SMIM14: variants seen among roughly 807,000 people sequenced by gnomAD.
SMIM14 encodes the protein small integral membrane protein 14.
In SMIM14, 5 loss-of-function variants were observed where a neutral mutation model predicts 12.6. That is an observed-to-expected ratio of 0.40 (90% CI 0.21 to 0.83). The LOEUF (loss-of-function observed/expected upper bound fraction) is 0.83. Among genes scored for constraint, SMIM14 ranks in the 40% least tolerant of loss-of-function variants. The pLI is 0.37. For synonymous variants in SMIM14, 30 were observed against 40.1 expected, an observed-to-expected ratio of 0.75 and a Z score of 0.95; for missense variants, 86 against 119.1, an observed-to-expected ratio of 0.72 and a Z score of 1.29.
At chr4:39,584,828 AT>A (rs1307327162) in intron 2 of SMIM14, among the ~76,000 whole-genome samples, 1 of 151,376 alleles carries the variant, frequency 6.6e-6, no homozygotes, top group African/African-American at 2.4e-5. Context: ...AGAAAAAAAA[AT>A]TTTTGTAAAG....
rs1429185874 is a variant in SMIM14 at position 39,564,279 on chromosome 4, A to G, written c.125-7709T>C. ...TTTGGTCCTATACAGTAATTACATT[A>G]TCCTAAGCACAGCTACCAGTTTTCA... On this transcript the variant is annotated intron_variant, in intron 3 of 4. Transcript: ENST00000295958. Among the ~76,000 whole-genome samples, 3 of 152,232 alleles carry G rather than the reference A, an allele frequency of 2.0e-5. No individual in the cohort carries two copies. The East Asian group carries it at 5.8e-4, about 29-fold the overall frequency.
At chr4:39,566,430 G>A (rs1178602451) in intron 3 of SMIM14, among the ~76,000 whole-genome samples, 1 of 152,094 alleles carries the variant, frequency 6.6e-6, no homozygotes, top group Non-Finnish European at 1.5e-5. Context: ...CCAAGTGAGT[G>A]AATGTCTAGA....
intron 2 of SMIM14, among the ~76,000 whole-genome samples, chr4:39,602,240 A>G (rs1213796418): frequency 7.2e-6 from 1 of 138,490 alleles, no homozygotes; most frequent in Admixed American, 7.2e-5. Flanking sequence ...CAGCAAAGTC[A>G]TGTCTCAAAA....
At chr4:39,593,918 G>T (rs567825416) in intron 2 of SMIM14, 1 of 152,120 alleles carries the variant, frequency 6.6e-6, no homozygotes, top group Admixed American at 6.6e-5. Context: ...CAAACAAATG[G>T]AAGAATATTC....
chr4:39,614,391 G>A (rs1452836964), intron 1 of SMIM14, among the ~76,000 whole-genome samples: 1 of 150,624 alleles, frequency 6.6e-6, no homozygotes, highest in Non-Finnish European at 1.5e-5. Context: ...GCACAATCTC[G>A]GCTCCCTGCA....
intron 1 of SMIM14, among the ~76,000 whole-genome samples, chr4:39,610,606 G>C (rs1440966944): frequency 6.6e-6 from 1 of 151,104 alleles, no homozygotes; most frequent in East Asian, 1.9e-4. Context: ...GAAGTAGGGG[G>C]ATCGCTTGAG....
At chr4:39,566,338 G>A (rs9917931) in intron 3 of SMIM14, among the ~76,000 whole-genome samples, 18,636 of 151,774 alleles carry the variant, frequency 0.12, 2,615 homozygotes, top group African/African-American at 0.35. Flanking sequence ...AATTTGAGGT[G>A]CCTTGTTAGA....
intron 2 of SMIM14, among the ~76,000 whole-genome samples, chr4:39,577,905 T>C (rs1056712783): frequency 6.6e-6 from 1 of 152,202 alleles, no homozygotes; most frequent in Non-Finnish European, 1.5e-5. Context: ...CTTCTGTGGC[T>C]TGACGGCTAC....
chr4:39,621,686 C>CTTTTTTTT (rs57206633), intron 1 of SMIM14, among the ~76,000 whole-genome samples: 1 of 105,450 alleles, frequency 9.5e-6, no homozygotes, highest in South Asian at 3.2e-4. Context: ...CCAAACGTTT[C>CTTTTTTTT]TTTTTTTTTT....
intron 2 of SMIM14, among the ~76,000 whole-genome samples, chr4:39,584,335 A>G (rs1357151558): frequency 6.6e-6 from 1 of 151,302 alleles, no homozygotes; most frequent in Non-Finnish European, 1.5e-5. Context: ...TATAAAAATT[A>G]GCCGGGCATG....
intron 1 of SMIM14, chr4:39,621,143 T>C (rs998794102): frequency 1.3e-5 from 2 of 152,088 alleles, no homozygotes; most frequent in African/African-American, 4.8e-5. Flanking sequence ...TTCTACCAGA[T>C]AAGTAAGGTT....
chr4:39,556,571 C>A lies in SMIM14; in HGVS notation c.125-1G>T. 2 of 1,583,932 alleles carry A rather than the reference C, an allele frequency of 1.3e-6. No individual in the cohort carries two copies. Among genetic ancestry groups the A allele is most frequent in the South Asian group, 1.2e-5 (1 of 84,932 alleles). On this transcript the variant is annotated splice_acceptor_variant, in intron 3 of 4. Coordinates refer to ENST00000295958, the MANE Select transcript of SMIM14 (RefSeq NM_174921.3). LOFTEE classifies it high-confidence loss of function. ...CCATTATCACCAGAGGGTCCCGGTA[C>A]TAAAGACAAACAAAAAATGTAGCAT...
intron 2 of SMIM14, among the ~76,000 whole-genome samples, chr4:39,581,518 C>CTTTCTTTTT (rs1453121687): frequency 2.3e-5 from 3 of 132,094 alleles, no homozygotes; most frequent in Non-Finnish European, 4.8e-5. Flanking sequence ...TTTTCTTTTT[C>CTTTCTTTTT]TTTTTTTTTT....
chr4:39,577,216 C>T (rs1346755597), intron 2 of SMIM14, among the ~76,000 whole-genome samples: 1 of 151,938 alleles, frequency 6.6e-6, no homozygotes, highest in Non-Finnish European at 1.5e-5. Flanking sequence ...AAGTAATGTA[C>T]AATTTTTCCT....
intron 2 of SMIM14, among the ~76,000 whole-genome samples, chr4:39,581,498 G>GT (rs140196920): frequency 0.02 from 2,887 of 145,444 alleles, 94 homozygotes; most frequent in African/African-American, 0.069. Flanking sequence ...TTCTTTTTTC[G>GT]TTTTTTTCCT....
intron 4 of SMIM14, among the ~76,000 whole-genome samples, chr4:39,555,460 G>A (rs976285578): frequency 6.7e-6 from 1 of 148,898 alleles, no homozygotes; most frequent in Non-Finnish European, 1.5e-5. Flanking sequence ...CTTGAACACC[G>A]GAGCTCAGGT....
At chr4:39,617,311 T>C (rs1715262333) in intron 1 of SMIM14, among the ~76,000 whole-genome samples, 1 of 152,298 alleles carries the variant, frequency 6.6e-6, no homozygotes, top group South Asian at 2.1e-4. Flanking sequence ...GGGGACAGAA[T>C]TAGTAAGGAG....
intron 1 of SMIM14, among the ~76,000 whole-genome samples, chr4:39,625,442 A>ATT (rs71192885): frequency 1.5e-4 from 22 of 150,536 alleles, no homozygotes; most frequent in African/African-American, 2.2e-4. Context: ...CATCATTACA[A>ATT]TTTTTTTTTT....
At chr4:39,569,236 T>A (rs1712738532) in intron 3 of SMIM14, among the ~76,000 whole-genome samples, 1 of 152,180 alleles carries the variant, frequency 6.6e-6, no homozygotes, top group African/African-American at 2.4e-5. Context: ...CTTGAAGGCA[T>A]ATATATCACC....
Sources: gnomAD v4.1 joint callset for allele counts (sites outside exome capture counted in the v4.1 genomes callset) on GRCh38, gnomAD v4.1.1 for gene constraint, MANE v1.5 for transcripts, NCBI Gene and HGNC (gene_info 2026-07-23, HGNC 2026-07-21) for gene names.